KARS1: variants seen among roughly 807,000 people sequenced by gnomAD.
KARS1 encodes lysine--tRNA ligase.
Under a neutral mutation model 63.9 loss-of-function variants are expected in KARS1, and 50 were observed. The ratio of observed to expected loss-of-function variants is 0.78; its 90% CI spans 0.62 to 0.99. The LOEUF is 0.99. KARS1 is among the 50% of genes least tolerant of loss of function. The pLI is 0.00. For synonymous variants in KARS1, 320 were observed against 264.6 expected (o/e 1.21, Z -2.03); for missense variants, 816 against 754.5 (o/e 1.08, Z -0.95).
intron 3 of KARS1, among the ~76,000 whole-genome samples, chr16:75,639,342 C>A (rs1390097548): frequency 6.6e-6 from 1 of 151,768 alleles, no homozygotes; most frequent in Non-Finnish European, 1.5e-5. Context: ...GAAGCCGAGG[C>A]AGGTGGATCA....
Position 75,631,786 on chromosome 16 carries a change from A to G in KARS1, c.985T>C (p.Leu329=), listed in dbSNP as rs1201594541. ...GRQFRNEGID[L]THNPEFTTCE... is the part of the protein sequence containing the mutation. Reference sequence around the variant, plus strand: ...GTGGTGAACTCAGGATTGTGCGTCAAATCAATCCCCTCATTCCGGAACTGG... The same window carrying G: ...GTGGTGAACTCAGGATTGTGCGTCAGATCAATCCCCTCATTCCGGAACTGG... The change falls in exon 8 of 14, where the codon TTG becomes CTG. Residue 329 remains leucine, a synonymous_variant. Coordinates refer to ENST00000302445, the MANE Select transcript of KARS1 (RefSeq NM_005548.3). 5.6e-6 allele frequency: 9 copies of G among 1,613,918 alleles called. No homozygotes were observed. Among genetic ancestry groups the G allele is most frequent in the Middle Eastern group, 3.3e-4 (2 of 6,084 alleles).
At position 75,628,658 on chromosome 16, in the gene KARS1, C is replaced by T; in HGVS notation, c.1606G>A (p.Ala536Thr). ...AMFIDENFCT[A>T]LEYGLPPTAG... is the part of the protein sequence containing the mutation. ...GTGGGGGGCAGCCCATATTCCAGGG[C>T]AGTACAGAAGTTTTCATCTATGAAC... Residue 536 changes from alanine (A) to threonine (T), a missense_variant, in exon 13 of 14, where the codon GCC becomes ACC. Ala to Thr is a moderately conservative substitution (Grantham distance 58, BLOSUM62 0). Transcript: ENST00000302445. 6.2e-7 allele frequency: 1 copy of T among 1,614,178 alleles called. No individual in the cohort carries two copies. Among genetic ancestry groups the T allele is most frequent in the Non-Finnish European group, 8.5e-7 (1 of 1,180,028 alleles).
chr16:75,628,947 G>C (rs879276327), intron 12 of KARS1: 21 of 568,552 alleles, frequency 3.7e-5, no homozygotes, highest in Non-Finnish European at 6.0e-5. Flanking sequence ...TTCTCTGAAA[G>C]AAAACCCTTC....
chr16:75,643,498 C>A (rs1475500733), intron 1 of KARS1, among the ~76,000 whole-genome samples: 3 of 152,070 alleles, frequency 2.0e-5, no homozygotes, highest in African/African-American at 7.2e-5. Context: ...CTGCCTCAGC[C>A]TCCGGAGTAG....
At chr16:75,634,955 A>G (rs575736484) in intron 6 of KARS1, among the ~76,000 whole-genome samples, 2 of 152,316 alleles carry the variant, frequency 1.3e-5, no homozygotes, top group Admixed American at 1.3e-4. Flanking sequence ...AAAAATTTTA[A>G]CTGCTTATAT....
chr16:75,644,141 A>C, intron 1 of KARS1: 1 of 644,520 alleles, frequency 1.6e-6, no homozygotes, highest in East Asian at 2.8e-5. Flanking sequence ...GAAAATGAGA[A>C]AGGACTATTG....
intron 5 of KARS1, 43 bp downstream of exon 5, chr16:75,635,869 C>G (rs750755615): frequency 7.4e-6 from 12 of 1,613,970 alleles, no homozygotes; most frequent in Middle Eastern, 1.6e-4. Flanking sequence ...ATAAAACAAA[C>G]AGAAAGCTAG....
chr16:75,639,571 C>CAA (rs35021757), intron 3 of KARS1, among the ~76,000 whole-genome samples: 3,760 of 79,054 alleles, frequency 0.048, 179 homozygotes, highest in East Asian at 0.062. Flanking sequence ...GACTATATCT[C>CAA]AAAAAAAAAA....
rs558900820 is a variant in KARS1 at position 75,638,119 on chromosome 16, C to T, written c.389-1572G>A. On this transcript the variant is annotated intron_variant, in intron 3 of 13. Transcript: ENST00000302445. Reference sequence around the variant, plus strand: ...TGGGCTCACATACCATATAAAGTTACTTAAAAAACTAAAAATGGAGAGATA... The same window carrying T: ...TGGGCTCACATACCATATAAAGTTATTTAAAAAACTAAAAATGGAGAGATA... Among the ~76,000 whole-genome samples, 6 of 151,890 alleles carry T rather than the reference C, an allele frequency of 4.0e-5. No individual in the cohort carries two copies. The South Asian group carries it at 1.2e-3, about 32-fold the overall frequency.
At chr16:75,638,964 T>C (rs960509739) in intron 3 of KARS1, among the ~76,000 whole-genome samples, 2 of 151,670 alleles carry the variant, frequency 1.3e-5, no homozygotes, top group African/African-American at 4.8e-5. Context: ...GGTCAGGAGT[T>C]CAAGACCAGC....
rs199644963 is a variant in KARS1 at position 75,630,389 on chromosome 16, G to A, written c.1424+34C>T. On this transcript the variant is annotated intron_variant, in intron 11 of 13. Transcript: ENST00000302445. ...ATTGTTAACACCACTAAGTTTTGGG[G>A]CTGTTATGCAGCAATAGGTAACTGG... The A allele has an allele frequency of 1.2e-4, 148 of 1,283,048 alleles. No homozygotes were observed. In the African/African-American group the frequency reaches 1.9e-3, roughly 16 times the overall value. 79.5% of individuals were successfully genotyped at this position (1,283,048 alleles called of 1,614,324 possible).
At chr16:75,636,158 C>A in intron 4 of KARS1, 60 bp from the exon 5 acceptor site, 5 of 1,066,590 alleles carry the variant, frequency 4.7e-6, no homozygotes, top group South Asian at 2.6e-5. Flanking sequence ...GACCACTGGT[C>A]TCCTCTGGAA....
At chr16:75,630,975 A>G (rs945028082) in intron 10 of KARS1, among the ~76,000 whole-genome samples, 193 bp downstream of exon 10, 1 of 152,156 alleles carries the variant, frequency 6.6e-6, no homozygotes, top group African/African-American at 2.4e-5. Context: ...ATTAACTGAG[A>G]TCACACACAT....
At chr16:75,640,897 A>G (rs1048815981) in intron 2 of KARS1, among the ~76,000 whole-genome samples, 1 of 152,154 alleles carries the variant, frequency 6.6e-6, no homozygotes, top group African/African-American at 2.4e-5. Context: ...TTCCAATACA[A>G]TTTTACTAGT....
chr16:75,629,077 G>C, intron 12 of KARS1: 1 of 466,750 alleles, frequency 2.1e-6, no homozygotes, highest in Non-Finnish European at 3.9e-6. Context: ...GCAGCCTGTG[G>C]GGGTTCTGTC....
chr16:75,631,512 C>T lies in KARS1; in HGVS notation c.1156G>A (p.Asp386Asn), dbSNP rs1217745713. The T allele has an allele frequency of 2.5e-6, 4 of 1,614,056 alleles. No homozygotes were observed. Among genetic ancestry groups the T allele is most frequent in the Non-Finnish European group, 2.5e-6 (3 of 1,180,038 alleles). ...DGPEGQAYDV[D>N]FTPPFRRINM... ...ATTCGCCGGAAGGGTGGGGTGAAGT[C>T]AACATCGTAGGCTTGGCCCTCTGGG... The change falls in exon 9 of 14, where the codon GAC becomes AAC. Residue 386 changes from aspartate (D) to asparagine (N), a missense_variant. Coordinates refer to ENST00000302445, the MANE Select transcript of KARS1 (RefSeq NM_005548.3).
At chr16:75,637,110 G>T (rs1379382562) in intron 3 of KARS1, among the ~76,000 whole-genome samples, 1 of 152,142 alleles carries the variant, frequency 6.6e-6, no homozygotes, top group East Asian at 1.9e-4. Context: ...ATGCCTAGAA[G>T]ATGGTGGTGC....
intron 1 of KARS1, among the ~76,000 whole-genome samples, chr16:75,646,705 G>A (rs1440616657): frequency 4.7e-5 from 7 of 149,784 alleles, no homozygotes; most frequent in Non-Finnish European, 8.9e-5. Flanking sequence ...GGAGTGCAGT[G>A]GCACGACTTC....
intron 9 of KARS1, 39 bp from the exon 10 acceptor site, chr16:75,631,292 C>G: frequency 6.3e-7 from 1 of 1,593,908 alleles, no homozygotes; most frequent in Non-Finnish European, 8.6e-7. Context: ...GGAGACATCA[C>G]ACTAGCCAAG....
Sources: allele counts gnomAD v4.1 joint callset (sites outside exome capture counted in the v4.1 genomes callset), GRCh38; gene constraint gnomAD v4.1.1; transcripts MANE v1.5; gene names NCBI Gene and HGNC (gene_info 2026-07-23, HGNC 2026-07-21).